The following POU2F3 variants were observed in gnomAD, a reference collection of about 807,000 sequenced individuals.
The protein encoded by POU2F3 is POU domain, class 2, transcription factor 3.
POU2F3 carries 23 observed loss-of-function variants against 59.2 expected under a neutral mutation model. That is an observed-to-expected ratio of 0.39 (90% confidence interval 0.28 to 0.55). The LOEUF (loss-of-function observed/expected upper bound fraction) is 0.55. Ranked by LOEUF, POU2F3 falls within the 20% of genes least tolerant of loss-of-function variation. The pLI is 0.66. For synonymous variants in POU2F3, 190 were observed against 214.6 expected, an observed-to-expected ratio of 0.89 and a Z score of 1.00; for missense variants, 473 against 544.5, an observed-to-expected ratio of 0.87 and a Z score of 1.31.
intron 9 of POU2F3, among the ~76,000 whole-genome samples, chr11:120,307,979 T>G (rs773948087): frequency 3.9e-5 from 6 of 152,220 alleles, no homozygotes; most frequent in Admixed American, 6.5e-5. Context: ...AGTTCTCTAT[T>G]TTCTATGCAG....
intron 3 of POU2F3, among the ~76,000 whole-genome samples, chr11:120,294,726 C>T (rs927299884): frequency 6.6e-5 from 10 of 152,150 alleles, no homozygotes; most frequent in Admixed American, 2.0e-4. Flanking sequence ...TGGGAATTGT[C>T]GATGTACCCT....
chr11:120,281,091 TAA>T (rs1317290682), intron 3 of POU2F3, among the ~76,000 whole-genome samples: 2 of 152,130 alleles, frequency 1.3e-5, no homozygotes, highest in Non-Finnish European at 2.9e-5. Flanking sequence ...TGGCTAAAAA[TAA>T]ACTTTTTCCA....
intron 8 of POU2F3, 86 bp downstream of exon 8, chr11:120,305,871 G>A (rs1326675580): frequency 6.6e-7 from 1 of 1,507,984 alleles, no homozygotes; most frequent in Non-Finnish European, 9.0e-7. Flanking sequence ...GCTTTTGGGA[G>A]TTTGATACCT....
At chr11:120,287,113 C>T (rs1318394882) in intron 3 of POU2F3, among the ~76,000 whole-genome samples, 1 of 152,176 alleles carries the variant, frequency 6.6e-6, no homozygotes, top group East Asian at 1.9e-4. Flanking sequence ...TCTGATCCCC[C>T]ATTCTAAAAA....
upstream of POU2F3, chr11:120,236,772 A>G (rs1004322578): frequency 3.6e-6 from 5 of 1,388,956 alleles, no homozygotes; most frequent in African/African-American, 2.9e-5. Flanking sequence ...AGCAAGTCTG[A>G]GAGAGAAGGA....
At chr11:120,296,918 G>C (rs1941207627) in intron 3 of POU2F3, among the ~76,000 whole-genome samples, 1 of 152,124 alleles carries the variant, frequency 6.6e-6, no homozygotes, top group Admixed American at 6.5e-5. Flanking sequence ...GTGATCCAAA[G>C]CACCATTTTT....
In POU2F3 at chr11:120,299,741, G is replaced by A. The variant is rs1565383195; in HGVS notation, c.361+15G>A. 6.2e-7 allele frequency: 1 copy of A among 1,602,056 alleles called. No homozygotes were observed. Among genetic ancestry groups the A allele is most frequent in the Non-Finnish European group, 8.5e-7 (1 of 1,174,542 alleles). On this transcript the variant is annotated intron_variant, in intron 5 of 12. Coordinates refer to ENST00000543440, the MANE Select transcript of POU2F3 (RefSeq NM_014352.4). Reference sequence around the variant, plus strand: ...TGGGCAGCAAGGTAAGAACCCTGGGGGTTTCCACCTAGACCAAGTCCAGTC... The same window carrying A: ...TGGGCAGCAAGGTAAGAACCCTGGGAGTTTCCACCTAGACCAAGTCCAGTC...
At chr11:120,300,663 T>C (rs996610837) in intron 5 of POU2F3, among the ~76,000 whole-genome samples, 4 of 151,710 alleles carry the variant, frequency 2.6e-5, no homozygotes, top group African/African-American at 7.3e-5. Context: ...ACTCAGGAGG[T>C]TGAGGCAAGA....
intron 2 of POU2F3, among the ~76,000 whole-genome samples, chr11:120,266,980 T>C (rs2135187503): frequency 6.6e-6 from 1 of 152,356 alleles, no homozygotes; most frequent in Non-Finnish European, 1.5e-5. Context: ...GTCAAGTCTT[T>C]GAACATTACT....
intron 2 of POU2F3, among the ~76,000 whole-genome samples, chr11:120,248,609 G>A (rs1938965051): frequency 6.6e-6 from 1 of 152,168 alleles, no homozygotes; most frequent in Non-Finnish European, 1.5e-5. Flanking sequence ...TTCTGCACAG[G>A]TCCCTTTTCA....
chr11:120,306,218 C>T (rs1381797778), intron 8 of POU2F3, among the ~76,000 whole-genome samples: 3 of 152,108 alleles, frequency 2.0e-5, no homozygotes, highest in Non-Finnish European at 2.9e-5. Flanking sequence ...AGGGTCTTTC[C>T]CTGGGTAGTT....
intron 2 of POU2F3, among the ~76,000 whole-genome samples, chr11:120,262,732 G>T (rs547876783): frequency 6.6e-6 from 1 of 152,206 alleles, no homozygotes; most frequent in African/African-American, 2.4e-5. Context: ...TCTTCATGAG[G>T]TTCCACCTTG....
At chr11:120,317,752 C>T (rs1941826468) in intron 12 of POU2F3, among the ~76,000 whole-genome samples, 1 of 152,230 alleles carries the variant, frequency 6.6e-6, no homozygotes, top group Admixed American at 6.5e-5. Flanking sequence ...GGGCTTCAAA[C>T]ATGGCTGACA....
chr11:120,286,726 G>A (rs1940794367), intron 3 of POU2F3, among the ~76,000 whole-genome samples: 1 of 151,932 alleles, frequency 6.6e-6, no homozygotes, highest in Admixed American at 6.5e-5. Context: ...GTCTCAACTT[G>A]TGCAGTTAAT....
chr11:120,269,737 G>A (rs1939982205), intron 3 of POU2F3, among the ~76,000 whole-genome samples: 1 of 152,196 alleles, frequency 6.6e-6, no homozygotes, highest in South Asian at 2.1e-4. Flanking sequence ...CGGGGGCAAT[G>A]TAGACATGCG....
rs1941329276 is a variant in POU2F3, at chr11:120,300,819, A to G, written c.361+1093A>G. On this transcript the variant is annotated intron_variant, in intron 5 of 12. Coordinates refer to ENST00000543440, the MANE Select transcript of POU2F3 (RefSeq NM_014352.4). Reference sequence around the variant, plus strand: ...ACTCTCTCCTGTTGCACAAATCCCAAGTAGAGGTTTTGGAAATCCAGAATC... The same window carrying G: ...ACTCTCTCCTGTTGCACAAATCCCAGGTAGAGGTTTTGGAAATCCAGAATC... 3 of 323,624 alleles carry G rather than the reference A, an allele frequency of 9.3e-6. No individual in the cohort carries two copies. In the Admixed American group the frequency reaches 1.3e-4, roughly 14 times the overall value. 20.0% of individuals were successfully genotyped at this position (323,624 alleles called of 1,614,324 possible). A position where few individuals can be genotyped will look rare whatever the true frequency, so the allele number is the denominator to read the frequency against.
intron 10 of POU2F3, among the ~76,000 whole-genome samples, chr11:120,311,121 G>T (rs1437623387): frequency 1.3e-5 from 2 of 151,906 alleles, no homozygotes; most frequent in African/African-American, 2.4e-5. Flanking sequence ...AACTGCAAGT[G>T]GTTCCATGAG....
rs149531239 is a variant in POU2F3 at position 120,307,602 on chromosome 11, A to T, written c.893A>T (p.Lys298Met). The T allele has an allele frequency of 4.0e-4, 640 of 1,613,714 alleles. No individual in the cohort carries two copies. Among genetic ancestry groups the T allele is most frequent in the Non-Finnish European group, 5.1e-4 (605 of 1,179,730 alleles). The part of the protein sequence containing the change: ...IETNIRLTLE[K>M]RFQDNPKPSS... The stretch of plus-strand genomic sequence containing the variant: ...ACCAACATCCGCCTGACTCTGGAGA[A>T]GAGGTTTCAAGATGTGAGCAGCACC... The change falls in exon 9 of 13, where the codon AAG becomes ATG. Residue 298 changes from lysine (K) to methionine (M), a missense_variant. By Grantham distance (95) the Lys-to-Met change is moderately conservative. Transcript: ENST00000543440.
Position 120,315,375 on chromosome 11 carries a change from GT to G in POU2F3, c.1084del (p.Ser362LeufsTer18). 1 of 1,613,532 alleles carries G rather than the reference GT, an allele frequency of 6.2e-7. No individual in the cohort carries two copies. Among genetic ancestry groups the G allele is most frequent in the Non-Finnish European group, 8.5e-7 (1 of 1,179,448 alleles). On this transcript the variant is annotated frameshift_variant, in exon 11 of 13. Transcript: ENST00000543440. LOFTEE classifies it high-confidence loss of function. The part of the protein sequence containing the change: ...YNSRLVSPSG[S>X]LGPLSVPPVH... Reference sequence around the variant, plus strand: ...TTGTTTTTCAGGTATCTCCCTCAGGGTCTCTGGGCCCCCTCTCTGTCCCTCC... The same window carrying G: ...TTGTTTTTCAGGTATCTCCCTCAGGGCTCTGGGCCCCCTCTCTGTCCCTCC...
Sources: allele counts gnomAD v4.1 joint callset (sites outside exome capture counted in the v4.1 genomes callset), GRCh38; gene constraint gnomAD v4.1.1; transcripts MANE v1.5; gene names NCBI Gene and HGNC (gene_info 2026-07-23, HGNC 2026-07-21).